The following MCM3AP variants were observed in gnomAD, a reference collection of about 807,000 sequenced individuals.
MCM3AP encodes germinal-center associated nuclear protein.
A neutral mutation model predicts 184.1 loss-of-function variants in MCM3AP; 126 were observed. That is an observed-to-expected ratio of 0.68 (90% CI 0.59 to 0.79). The LOEUF (loss-of-function observed/expected upper bound fraction) is 0.79. MCM3AP is among the 30% of genes least tolerant of loss of function. MCM3AP has a pLI of 0.00. For synonymous variants in MCM3AP, 1,002 were observed against 979.3 expected, an observed-to-expected ratio of 1.02 and a Z score of -0.43; for missense variants, 2,496 against 2,479.2, an observed-to-expected ratio of 1.01 and a Z score of -0.14.
chr21:46,283,759 T>A lies in MCM3AP; in HGVS notation c.1299A>T (p.Glu433Asp). ...TGTTCTTGCACTGGATGGCTGTGAC[T>A]TCAGAGGGAGACAAGCCCCCAAGAC... ...TDSLGGLSPSEVTAIQCKNIP... is the reference protein window; with the variant it reads ...TDSLGGLSPSDVTAIQCKNIP... The change falls in exon 2 of 28, where the codon GAA (glutamate) becomes GAT (aspartate). Residue 433 changes from glutamate (E) to aspartate (D), a missense_variant. Glu to Asp is a conservative substitution (Grantham distance 45, BLOSUM62 2). Transcript: ENST00000291688. 1.2e-6 allele frequency: 2 copies of A among 1,614,196 alleles called. No homozygotes were observed. Among genetic ancestry groups the A allele is most frequent in the Non-Finnish European group, 1.7e-6 (2 of 1,180,008 alleles).
chr21:46,244,911 C>T lies in MCM3AP; in HGVS notation c.4934G>A (p.Arg1645Gln), dbSNP rs2080737926. 30 of 1,614,026 alleles carry T rather than the reference C, an allele frequency of 1.9e-5. No homozygotes were observed. The highest frequency in any genetic ancestry group is 1.2e-4 in the South Asian group (11 of 91,076). Residue 1645 changes from arginine (R) to glutamine (Q), a missense_variant, in exon 23 of 28, where the codon CGG becomes CAG. Coordinates refer to ENST00000291688, the MANE Select transcript of MCM3AP (RefSeq NM_003906.5). ...ATTCCAGTGCAGGTGAGGAAGCAGC[C>T]GGCTGCCCCCTGCCTCAGCAAACTC... ...VTEFAEAGGS[R>Q]LLPHLHWNAP...
At chr21:46,273,227 G>T (rs1032159705) in intron 7 of MCM3AP, among the ~76,000 whole-genome samples, 161 bp downstream of exon 7, 1 of 152,128 alleles carries the variant, frequency 6.6e-6, no homozygotes, top group East Asian at 1.9e-4. Flanking sequence ...CACCCACCTC[G>T]GCCTCCCAGA....
Position 46,260,868 on chromosome 21 carries a change from C to T in MCM3AP, c.3506G>A (p.Ser1169Asn), listed in dbSNP as rs771984220. Residue 1169 changes from serine (S) to asparagine (N), a missense_variant, in exon 15 of 28, where the codon AGC (serine) becomes AAC (asparagine). Around this residue, in one of 5 missense-constraint regions of MCM3AP, gnomAD observed 1,323 missense variants for 1,273.4 expected, o/e 1.04. Transcript: ENST00000291688. ...QERELVLSEL[S>N]QGLAVELMER... The stretch of plus-strand genomic sequence containing the variant: ...CATCAGCTCCACGGCCAGGCCCTGG[C>T]TCAGCTCACTTAACACCAGCTCTCT... The T allele has an allele frequency of 6.2e-7, 1 of 1,614,100 alleles. No individual in the cohort carries two copies.
chr21:46,275,120 T>G, intron 6 of MCM3AP, 66 bp downstream of exon 6: 1 of 1,508,654 alleles, frequency 6.6e-7, no homozygotes, highest in South Asian at 1.3e-5. Flanking sequence ...AAATCAAGTA[T>G]GTACAGAAAT....
intron 14 of MCM3AP, 98 bp downstream of exon 14, chr21:46,261,182 G>T: frequency 6.8e-7 from 1 of 1,465,694 alleles, no homozygotes; most frequent in Non-Finnish European, 9.4e-7. Context: ...TGGAATGGTA[G>T]CACAGTGGAC....
Position 46,280,587 on chromosome 21 carries a change from TC to T in MCM3AP, c.1444-13del. ...AGGGCTGCAGATGCCTGGAAAACAG[TC>T]CACAACCGCCATGTGTGAGTATATC... On this transcript the variant is annotated splice_polypyrimidine_tract_variant and intron_variant, in intron 2 of 27. Coordinates refer to ENST00000291688, the MANE Select transcript of MCM3AP (RefSeq NM_003906.5). The T allele has an allele frequency of 6.3e-7, 1 of 1,589,220 alleles. No individual in the cohort carries two copies. The highest frequency in any genetic ancestry group is 1.1e-5 in the South Asian group (1 of 90,164).
At chr21:46,249,369 A>G (rs954645991) in intron 20 of MCM3AP, among the ~76,000 whole-genome samples, 1 of 151,918 alleles carries the variant, frequency 6.6e-6, no homozygotes, top group Non-Finnish European at 1.5e-5. Context: ...TGTATTTTTT[A>G]TAGAGACAGG....
At chr21:46,245,487 A>T (rs573933912) in intron 22 of MCM3AP, among the ~76,000 whole-genome samples, 2 of 152,314 alleles carry the variant, frequency 1.3e-5, no homozygotes, top group South Asian at 4.1e-4. Flanking sequence ...CCCTCAGGAA[A>T]CCAGCCCTGA....
intron 10 of MCM3AP, chr21:46,266,713 C>G (rs979201808): frequency 1.1e-5 from 5 of 468,028 alleles, no homozygotes; most frequent in African/African-American, 9.8e-5. Flanking sequence ...AAAGAAGGCC[C>G]TAACTTTTAT....
intron 19 of MCM3AP, chr21:46,253,426 A>G (rs557294673): frequency 1.3e-5 from 2 of 152,208 alleles, no homozygotes; most frequent in African/African-American, 2.4e-5. Flanking sequence ...TTGTGTCCCT[A>G]CCCAAATCTC....
chr21:46,268,583 G>A (rs1023149069), intron 9 of MCM3AP, among the ~76,000 whole-genome samples: 2 of 152,240 alleles, frequency 1.3e-5, no homozygotes, highest in Non-Finnish European at 2.9e-5. Context: ...GGGAGGTGGA[G>A]ACAGCGCCGT....
intron 9 of MCM3AP, among the ~76,000 whole-genome samples, chr21:46,268,827 T>C (rs1476179059): frequency 1.3e-5 from 2 of 152,204 alleles, no homozygotes; most frequent in East Asian, 3.9e-4. Flanking sequence ...GTGGATCACC[T>C]GAGGCTAGGA....
Position 46,284,448 on chromosome 21 carries a change from T to A in MCM3AP, c.839A>T (p.Gln280Leu). 6.2e-7 allele frequency: 1 copy of A among 1,614,166 alleles called. No individual in the cohort carries two copies. The highest frequency in any genetic ancestry group is 8.5e-7 in the Non-Finnish European group (1 of 1,180,032). ...CATTAGGCTGGGAAGTGGTTCCACC[T>A]GGGAAACAGCTTCTTCACACCCCTG... ...VRQGCEEAVSQVEPLPSLMKG... is the reference protein window; with the variant it reads ...VRQGCEEAVSLVEPLPSLMKG... The change falls in exon 1 of 28, where the codon CAG becomes CTG. Residue 280 changes from glutamine (Q) to leucine (L), a missense_variant. Physicochemically the swap from Gln to Leu is moderately radical, Grantham distance 113. Transcript: ENST00000291688.
At chr21:46,258,472 G>A (rs2080989934) in intron 16 of MCM3AP, among the ~76,000 whole-genome samples, 1 of 152,100 alleles carries the variant, frequency 6.6e-6, no homozygotes, top group Admixed American at 6.5e-5. Flanking sequence ...TTTCTTTAGG[G>A]TTATACCACT....
chr21:46,270,293 A>G, intron 9 of MCM3AP, 108 bp downstream of exon 9: 1 of 1,052,238 alleles, frequency 9.5e-7, no homozygotes, highest in South Asian at 1.7e-5. Flanking sequence ...AGGGTGACAC[A>G]GCATCAGCCT....
At position 46,265,073 on chromosome 21, in the gene MCM3AP, C is replaced by T. The variant is rs17176464; in HGVS notation, c.3234+248G>A. Among the ~76,000 whole-genome samples, 635 of 152,338 alleles carry T rather than the reference C, an allele frequency of 4.2e-3. 3 individuals are homozygous for T. Among genetic ancestry groups the T allele is most frequent in the Admixed American group, 8.4e-3 (129 of 15,302 alleles). On this transcript the variant is annotated intron_variant, in intron 12 of 27. Coordinates refer to ENST00000291688, the MANE Select transcript of MCM3AP (RefSeq NM_003906.5). ...TGCCAATGATCCCGTCAGGAATAGA[C>T]GGGTGTTGAGTTCAGACACACGGGC...
chr21:46,258,984 T>G lies in MCM3AP; in HGVS notation c.3689A>C (p.Lys1230Thr). ...FLVEEIFQTA[K>T]ETLQELQCFC... ...GCACTGAAGCTCCTGGAGGGTCTCC[T>G]TTGCAGTCTGGAAGATTTCCTCCAC... The change falls in exon 16 of 28, where the codon AAG becomes ACG. Residue 1230 changes from lysine to threonine, a missense_variant. Around this residue, in one of 5 missense-constraint regions of MCM3AP, gnomAD observed 1,323 missense variants for 1,273.4 expected, o/e 1.04. Coordinates refer to ENST00000291688, the MANE Select transcript of MCM3AP (RefSeq NM_003906.5). The G allele has an allele frequency of 6.2e-7, 1 of 1,614,108 alleles. No individual in the cohort carries two copies. Among genetic ancestry groups the G allele is most frequent in the Admixed American group, 1.7e-5 (1 of 59,988 alleles).
intron 4 of MCM3AP, among the ~76,000 whole-genome samples, chr21:46,278,553 AG>A (rs2081283036): frequency 6.6e-6 from 1 of 152,236 alleles, no homozygotes; most frequent in Admixed American, 6.5e-5. Context: ...TTCCCCAGAC[AG>A]ACAAGGTAGC....
rs556096598 is a variant in MCM3AP at position 46,265,355 on chromosome 21, G to A, written c.3200C>T (p.Pro1067Leu). Residue 1067 changes from proline to leucine, a missense_variant, in exon 12 of 28, where the codon CCG becomes CTG. Physicochemically the swap from Pro to Leu is moderately conservative, Grantham distance 98. Around this residue, in one of 5 missense-constraint regions of MCM3AP, gnomAD observed 1,323 missense variants for 1,273.4 expected, o/e 1.04. Transcript: ENST00000291688. ...GTACATGGGCACGGGCTCTGGAGGC[G>A]GTGGTTCAGGCTGCACAGACAGCTG... ...LFQLSVQPEP[P>L]PPEPVPMYSD... 122 of 1,613,980 alleles carry A rather than the reference G, an allele frequency of 7.6e-5. No individual in the cohort carries two copies. The highest frequency in any genetic ancestry group is 9.4e-5 in the Non-Finnish European group (111 of 1,180,018).
Sources: allele counts gnomAD v4.1 joint callset (sites outside exome capture counted in the v4.1 genomes callset), GRCh38; gene constraint gnomAD v4.1.1; regional missense constraint gnomAD v4.1.1; transcripts MANE v1.5; gene names NCBI Gene and HGNC (gene_info 2026-07-23, HGNC 2026-07-21).